TLN2: variants seen among roughly 807,000 people sequenced by gnomAD.
TLN2 encodes talin 2, also known as talin-2.
In TLN2, 118 loss-of-function variants were observed where a neutral mutation model predicts 294.7. The observed-to-expected ratio is 0.40, with a 90% CI of 0.34 to 0.47. The LOEUF (loss-of-function observed/expected upper bound fraction) is 0.47. Among genes scored for constraint, TLN2 ranks in the 20% least tolerant of loss-of-function variants. TLN2 has a pLI of 0.84. For missense variants in TLN2, 3,083 were observed against 3,282.2 expected, an observed-to-expected ratio of 0.94 and a Z score of 1.48; for synonymous variants, 1,431 against 1,304.5, an observed-to-expected ratio of 1.10 and a Z score of -2.09.
At chr15:62,665,168 TC>T (rs1348545895) in intron 9 of TLN2, among the ~76,000 whole-genome samples, 1 of 151,974 alleles carries the variant, frequency 6.6e-6, no homozygotes, top group Non-Finnish European at 1.5e-5. Context: ...GTGCAAGCAG[TC>T]CCCTCACCTC....
chr15:62,500,470 C>T (rs1257191426), intron 1 of TLN2, among the ~76,000 whole-genome samples: 1 of 152,180 alleles, frequency 6.6e-6, no homozygotes, highest in Non-Finnish European at 1.5e-5. Context: ...TGTGACTGGC[C>T]TCCATACTGC....
intron 1 of TLN2, among the ~76,000 whole-genome samples, chr15:62,435,507 T>A (rs2035242599): frequency 6.7e-6 from 1 of 149,080 alleles, no homozygotes; most frequent in African/African-American, 2.6e-5. Context: ...GTTGTTGTCT[T>A]TTTCTTATTG....
intron 7 of TLN2, among the ~76,000 whole-genome samples, chr15:62,654,030 C>T (rs1017446500): frequency 6.6e-6 from 1 of 152,178 alleles, no homozygotes; most frequent in East Asian, 1.9e-4. Context: ...AGCTAATTAA[C>T]ATATCCATCA....
chr15:62,403,235 G>A (rs1595729495), intron 1 of TLN2, among the ~76,000 whole-genome samples: 1 of 149,132 alleles, frequency 6.7e-6, no homozygotes, highest in Non-Finnish European at 1.5e-5. Flanking sequence ...AAAAAGAGAG[G>A]AAAAAAAAAA....
intron 45 of TLN2, among the ~76,000 whole-genome samples, chr15:62,786,398 GC>G (rs372616428): frequency 3.9e-4 from 60 of 152,196 alleles, no homozygotes; most frequent in African/African-American, 1.3e-3. Flanking sequence ...AGCTTTATCT[GC>G]TTATTTTTCA....
chr15:62,728,758 A>G (rs2060567483), intron 28 of TLN2, among the ~76,000 whole-genome samples: 1 of 152,028 alleles, frequency 6.6e-6, no homozygotes, highest in Non-Finnish European at 1.5e-5. Context: ...TTCCTCATTT[A>G]TAGGAGTTCT....
intron 11 of TLN2, among the ~76,000 whole-genome samples, chr15:62,681,867 T>C (rs1436525948): frequency 6.6e-6 from 1 of 152,200 alleles, no homozygotes; most frequent in Non-Finnish European, 1.5e-5. Context: ...CATGGCTCAC[T>C]GCAGCCTCCT....
intron 1 of TLN2, among the ~76,000 whole-genome samples, chr15:62,552,513 A>G (rs1317008295): frequency 1.1e-4 from 16 of 152,274 alleles, no homozygotes; most frequent in Admixed American, 1.0e-3. Flanking sequence ...ACTGTACACA[A>G]GTGTCCTTTT....
At chr15:62,483,845 C>A (rs992506929) in intron 1 of TLN2, among the ~76,000 whole-genome samples, 2 of 152,228 alleles carry the variant, frequency 1.3e-5, no homozygotes, top group African/African-American at 4.8e-5. Context: ...AGTTAAGTAG[C>A]TCCTGCTGTG....
chr15:62,639,783 A>G (rs1470635239), intron 3 of TLN2, among the ~76,000 whole-genome samples: 1 of 152,216 alleles, frequency 6.6e-6, no homozygotes, highest in South Asian at 2.1e-4. Context: ...AGTTGGGAAG[A>G]GATAACCAGG....
intron 22 of TLN2, among the ~76,000 whole-genome samples, chr15:62,713,271 C>CA (rs541064329): frequency 0.8 from 88,397 of 111,130 alleles, 35,689 homozygotes; most frequent in Non-Finnish European, 0.88. Flanking sequence ...ACCTGCGTCT[C>CA]AAAAAAAAAA....
At chr15:62,540,982 A>G (rs1159318243) in intron 1 of TLN2, among the ~76,000 whole-genome samples, 1 of 152,142 alleles carries the variant, frequency 6.6e-6, no homozygotes, top group Non-Finnish European at 1.5e-5. Context: ...ATGACAGATC[A>G]AGAGGATGAC....
At chr15:62,668,388 A>G (rs2054983780) in intron 9 of TLN2, among the ~76,000 whole-genome samples, 1 of 152,178 alleles carries the variant, frequency 6.6e-6, no homozygotes, top group South Asian at 2.1e-4. Context: ...ATAGTAGAAA[A>G]TGAAGTTTTG....
chr15:62,707,176 A>T lies in TLN2; in HGVS notation c.2095A>T (p.Thr699Ser). 2 of 1,614,260 alleles carry T rather than the reference A, an allele frequency of 1.2e-6. No homozygotes were observed. Among genetic ancestry groups the T allele is most frequent in the Non-Finnish European group, 1.7e-6 (2 of 1,180,044 alleles). The change falls in exon 20 of 59, where the codon ACT (threonine) becomes TCT (serine). Residue 699 changes from threonine (T) to serine (S), a missense_variant. Physicochemically the swap from Thr to Ser is moderately conservative, Grantham distance 58. Transcript: ENST00000636159. ...AKNVAQVAED[T>S]VLQNRVIAAA... Reference sequence around the variant, plus strand: ...GAATGTTGCCCAAGTGGCCGAAGACACTGTCCTACAGAACAGGGTAATTGC... The same window carrying T: ...GAATGTTGCCCAAGTGGCCGAAGACTCTGTCCTACAGAACAGGGTAATTGC...
chr15:62,492,866 C>G (rs1158312062), intron 1 of TLN2, among the ~76,000 whole-genome samples: 1 of 152,134 alleles, frequency 6.6e-6, no homozygotes, highest in African/African-American at 2.4e-5. Context: ...ATCCTTGTGT[C>G]TCTAATAGTC....
intron 45 of TLN2, among the ~76,000 whole-genome samples, chr15:62,787,687 C>T (rs569948610): frequency 7.0e-6 from 1 of 142,438 alleles, no homozygotes; most frequent in Non-Finnish European, 1.5e-5. Flanking sequence ...TTTTTAAACT[C>T]CTTATCTTTT....
Position 62,737,099 on chromosome 15 carries a change from A to G in TLN2, c.3567+13A>G, listed in dbSNP as rs777958624. The stretch of plus-strand genomic sequence containing the variant: ...AAGACTGGCTCAGGTGAGGCTAGGA[A>G]TGAGAAATTGTGGTTGTCATGGTCA... On this transcript the variant is annotated intron_variant, in intron 29 of 58. Coordinates refer to ENST00000636159, the MANE Select transcript of TLN2 (RefSeq NM_015059.3). The G allele has an allele frequency of 6.2e-7, 1 of 1,613,740 alleles. No homozygotes were observed. The highest frequency in any genetic ancestry group is 1.3e-5 in the African/African-American group (1 of 75,066).
intron 1 of TLN2, among the ~76,000 whole-genome samples, chr15:62,491,337 AAT>A (rs769670199): frequency 0.046 from 5,283 of 114,272 alleles, 163 homozygotes; most frequent in Non-Finnish European, 0.066. Context: ...AAAAAAAAAA[AAT>A]ATATATATAT....
chr15:62,407,784 G>A (rs1489423521), intron 1 of TLN2, among the ~76,000 whole-genome samples: 21 of 151,962 alleles, frequency 1.4e-4, no homozygotes, highest in Admixed American at 8.5e-4. Context: ...GTGTTGTGGC[G>A]GGCGCCTATA....
Sources: gnomAD v4.1 joint callset for allele counts (sites outside exome capture counted in the v4.1 genomes callset) on GRCh38, gnomAD v4.1.1 for gene constraint, MANE v1.5 for transcripts, NCBI Gene and HGNC (gene_info 2026-07-23, HGNC 2026-07-21) for gene names.